CNTNAP2: variants seen among roughly 807,000 people sequenced by gnomAD.
CNTNAP2 encodes the protein contactin associated protein 2, also known as contactin-associated protein-like 2.
A neutral mutation model predicts 155.2 loss-of-function variants in CNTNAP2; 98 were observed. The ratio of observed to expected loss-of-function variants is 0.63; its 90% CI spans 0.54 to 0.75. CNTNAP2 has a LOEUF of 0.75. Ranked by LOEUF, CNTNAP2 falls within the 30% of genes least tolerant of loss-of-function variation. CNTNAP2 has a pLI of 0.00. For missense variants in CNTNAP2, 1,727 were observed against 1,688.1 expected (o/e 1.02, Z -0.40); for synonymous variants, 651 against 631.2 (o/e 1.03, Z -0.47).
intron 11 of CNTNAP2, among the ~76,000 whole-genome samples, chr7:147,493,718 G>C (rs757547260): frequency 6.6e-6 from 1 of 152,134 alleles, no homozygotes; most frequent in Non-Finnish European, 1.5e-5. Flanking sequence ...TTAGAATCTA[G>C]CTTGGCATTT....
At chr7:147,971,380 T>C (rs1237581606) in intron 14 of CNTNAP2, among the ~76,000 whole-genome samples, 6 of 152,140 alleles carry the variant, frequency 3.9e-5, no homozygotes, top group Admixed American at 2.6e-4. Flanking sequence ...TTTAGAAAAT[T>C]CATTGAGTTG....
chr7:146,613,858 A>C (rs1799181094), intron 1 of CNTNAP2, among the ~76,000 whole-genome samples: 1 of 152,176 alleles, frequency 6.6e-6, no homozygotes, highest in Non-Finnish European at 1.5e-5. Flanking sequence ...TTTTCTGTTG[A>C]GTGATTTCTA....
intron 21 of CNTNAP2, among the ~76,000 whole-genome samples, chr7:148,340,360 T>C (rs2116579741): frequency 6.6e-6 from 1 of 152,310 alleles, no homozygotes; most frequent in Middle Eastern, 3.4e-3. Context: ...CCTTGAATCA[T>C]TACGTTACAT....
intron 13 of CNTNAP2, among the ~76,000 whole-genome samples, chr7:147,639,877 G>C (rs970501928): frequency 6.6e-6 from 1 of 152,120 alleles, no homozygotes; most frequent in Non-Finnish European, 1.5e-5. Flanking sequence ...GACTGTGTCC[G>C]GGTGTAGAGA....
At chr7:147,539,283 ACT>A (rs1440957674) in intron 11 of CNTNAP2, among the ~76,000 whole-genome samples, 2 of 152,066 alleles carry the variant, frequency 1.3e-5, no homozygotes, top group East Asian at 1.9e-4. Context: ...TAAGTACAAG[ACT>A]CTCTAAATGT....
intron 1 of CNTNAP2, among the ~76,000 whole-genome samples, chr7:146,722,407 T>A (rs553154758): frequency 4.3e-4 from 66 of 152,250 alleles, no homozygotes; most frequent in African/African-American, 1.5e-3. Context: ...GTGTCTAACA[T>A]GTTGTAGTAG....
intron 1 of CNTNAP2, among the ~76,000 whole-genome samples, chr7:146,627,169 T>G (rs1296765516): frequency 6.6e-6 from 1 of 151,984 alleles, no homozygotes; most frequent in Non-Finnish European, 1.5e-5. Context: ...AACCATCAGA[T>G]CTTGTGAGAC....
At chr7:147,015,367 T>G (rs1012766258) in intron 3 of CNTNAP2, among the ~76,000 whole-genome samples, 15 of 152,136 alleles carry the variant, frequency 9.9e-5, no homozygotes, top group African/African-American at 3.4e-4. Flanking sequence ...TATTGTATTG[T>G]TTTGTCTTCA....
intron 15 of CNTNAP2, among the ~76,000 whole-genome samples, chr7:148,059,553 GCA>G (rs1803091195): frequency 6.8e-6 from 1 of 146,384 alleles, no homozygotes; most frequent in South Asian, 2.1e-4. Flanking sequence ...GTGCCCCATT[GCA>G]CTCCAGCCTG....
At chr7:146,220,437 G>A (rs1799188055) in intron 1 of CNTNAP2, among the ~76,000 whole-genome samples, 1 of 152,104 alleles carries the variant, frequency 6.6e-6, no homozygotes, top group African/African-American at 2.4e-5. Context: ...TCAGATTTGG[G>A]TAGACCAGGT....
rs1336383072 is a variant in CNTNAP2 at position 148,337,579 on chromosome 7, C to G, written c.3476-46070C>G. 2.0e-5 allele frequency among the ~76,000 whole-genome samples: 3 copies of G among 152,204 alleles called. No homozygotes were observed. The East Asian group carries it at 5.8e-4, about 29-fold the overall frequency. ...TTCCCTCTGCTACTTTGTCCAAGATCCAACCCTTCTCATCTGCGTCTTGCC... is the reference window on the plus strand; with the variant it reads ...TTCCCTCTGCTACTTTGTCCAAGATGCAACCCTTCTCATCTGCGTCTTGCC... On this transcript the variant is annotated intron_variant, in intron 21 of 23. Transcript: ENST00000361727.
At chr7:148,050,704 A>C (rs1346291580) in intron 15 of CNTNAP2, among the ~76,000 whole-genome samples, 1 of 152,210 alleles carries the variant, frequency 6.6e-6, no homozygotes, top group African/African-American at 2.4e-5. Flanking sequence ...ACTCACCCAC[A>C]GCAACTTCCA....
chr7:146,974,962 ACT>A (rs1259174452), intron 3 of CNTNAP2, among the ~76,000 whole-genome samples: 1 of 152,042 alleles, frequency 6.6e-6, no homozygotes, highest in Non-Finnish European at 1.5e-5. Context: ...ACAGAGAGAG[ACT>A]CTATCTAAAA....
At chr7:146,233,010 C>G (rs802552) in intron 1 of CNTNAP2, among the ~76,000 whole-genome samples, 104,823 of 151,912 alleles carry the variant, frequency 0.69, 37,321 homozygotes, top group East Asian at 0.94. Flanking sequence ...GAATGTAATC[C>G]GTTTAGGGAT....
At chr7:146,295,541 G>A (rs1027236443) in intron 1 of CNTNAP2, among the ~76,000 whole-genome samples, 2 of 152,018 alleles carry the variant, frequency 1.3e-5, no homozygotes, top group Non-Finnish European at 2.9e-5. Flanking sequence ...TCTAAAATAT[G>A]TGATAATCTA....
intron 1 of CNTNAP2, among the ~76,000 whole-genome samples, chr7:146,145,565 C>T (rs927774360): frequency 3.3e-4 from 50 of 152,110 alleles, no homozygotes; most frequent in African/African-American, 1.1e-3. Context: ...GCCTGTGTGC[C>T]GGTTTCCCAG....
intron 12 of CNTNAP2, among the ~76,000 whole-genome samples, chr7:147,615,101 A>G (rs887546777): frequency 4.0e-5 from 6 of 149,582 alleles, no homozygotes; most frequent in Non-Finnish European, 5.9e-5. Flanking sequence ...CAAAAAAAAA[A>G]AAAAGAAAAG....
chr7:146,169,008 C>T (rs757871015), intron 1 of CNTNAP2, among the ~76,000 whole-genome samples: 2 of 152,212 alleles, frequency 1.3e-5, no homozygotes, highest in Non-Finnish European at 2.9e-5. Context: ...TTCGTACATA[C>T]TGTCATATTT....
intron 20 of CNTNAP2, among the ~76,000 whole-genome samples, chr7:148,244,723 C>T (rs572708373): frequency 2.0e-5 from 3 of 151,622 alleles, no homozygotes; most frequent in East Asian, 2.0e-4. Context: ...CCACCACACC[C>T]GGCTAATTTT....
Sources: allele counts gnomAD v4.1 joint callset (sites outside exome capture counted in the v4.1 genomes callset), GRCh38; gene constraint gnomAD v4.1.1; transcripts MANE v1.5; gene names NCBI Gene and HGNC (gene_info 2026-07-23, HGNC 2026-07-21).